The following M6PR variants were observed in gnomAD, a reference collection of about 807,000 sequenced individuals.
M6PR encodes the protein mannose-6-phosphate receptor, cation dependent.
Under a neutral mutation model 33.1 loss-of-function variants are expected in M6PR, and 19 were observed. The observed-to-expected ratio is 0.57, with a 90% CI of 0.40 to 0.84. The LOEUF (loss-of-function observed/expected upper bound fraction) is 0.84. Ranked by LOEUF, M6PR falls within the 40% of genes least tolerant of loss-of-function variation. The pLI, the probability that M6PR is intolerant of heterozygous loss-of-function variation, is 0.00. For missense variants in M6PR, 295 were observed against 336.0 expected (o/e 0.88, Z 0.95); for synonymous variants, 111 against 123.4 (o/e 0.90, Z 0.67).
chr12:8,943,615 A>G (rs1233372925), intron 4 of M6PR, 80 bp from the exon 5 acceptor site: 8 of 1,552,802 alleles, frequency 5.2e-6, no homozygotes, highest in Non-Finnish European at 7.1e-6. Flanking sequence ...CCCAAAAAAC[A>G]TCTGCTCCTT....
intron 2 of M6PR, 70 bp downstream of exon 2, chr12:8,946,159 T>C: frequency 2.7e-6 from 4 of 1,466,738 alleles, no homozygotes; most frequent in Non-Finnish European, 2.8e-6. Flanking sequence ...CATTATGAAA[T>C]AAAATCAGTA....
intron 3 of M6PR, 143 bp downstream of exon 3, chr12:8,945,275 G>T: frequency 1.3e-6 from 1 of 756,340 alleles, no homozygotes; most frequent in South Asian, 1.7e-5. Context: ...TAGGCATCCT[G>T]TGGTATATTA....
intron 2 of M6PR, 55 bp from the exon 3 acceptor site, chr12:8,945,639 G>A: frequency 7.0e-7 from 1 of 1,434,448 alleles, no homozygotes; most frequent in Non-Finnish European, 9.7e-7. Flanking sequence ...TCAGCCTCAG[G>A]AATAACAGCA....
intron 1 of M6PR, 163 bp from the exon 2 acceptor site, chr12:8,946,568 C>T: frequency 1.9e-6 from 1 of 535,804 alleles, no homozygotes; most frequent in Non-Finnish European, 3.2e-6. Context: ...ATCTCTGTAA[C>T]AAGAGCATCT....
intron 1 of M6PR, among the ~76,000 whole-genome samples, chr12:8,947,836 GT>G (rs199863898): frequency 0.02 from 2,910 of 146,598 alleles, 79 homozygotes; most frequent in African/African-American, 0.066. Flanking sequence ...AAAACTGTGG[GT>G]TTTTTTTTTT....
rs966401909 is a variant in M6PR, at chr12:8,941,736, G to A, written c.*82C>T. ...AATAGTAAGGGTGAGATGAGGGACTGGAGTTGAGACTGCTTGAGAAATCTG... is the reference window on the plus strand; with the variant it reads ...AATAGTAAGGGTGAGATGAGGGACTAGAGTTGAGACTGCTTGAGAAATCTG... On this transcript the variant is annotated 3_prime_UTR_variant, in exon 7 of 7. Transcript: ENST00000000412. 7.1e-6 allele frequency: 11 copies of A among 1,547,740 alleles called. No individual in the cohort carries two copies. In the African/African-American group the frequency reaches 1.4e-4, roughly 19 times the overall value.
Position 8,943,904 on chromosome 12 carries a change from C to CA in M6PR, c.349dup (p.Trp117LeufsTer7). On this transcript the variant is annotated frameshift_variant, in exon 4 of 7. Coordinates refer to ENST00000000412, the MANE Select transcript of M6PR (RefSeq NM_002355.4). LOFTEE classifies it high-confidence loss of function. ...ACCCCCTTTATAGATCAGCATGATC[C>CA]AATTACCTGAGGAGGGACAAGGAAA... 6.2e-7 allele frequency: 1 copy of CA among 1,609,518 alleles called. No individual in the cohort carries two copies. The highest frequency in any genetic ancestry group is 8.5e-7 in the Non-Finnish European group (1 of 1,176,054).
In M6PR at chr12:8,941,725, G is replaced by T; in HGVS notation, c.*93C>A. On this transcript the variant is annotated 3_prime_UTR_variant, in exon 7 of 7. Transcript: ENST00000000412. Reference sequence around the variant, plus strand: ...AAAGCAAGAGCAATAGTAAGGGTGAGATGAGGGACTGGAGTTGAGACTGCT... The same window carrying T: ...AAAGCAAGAGCAATAGTAAGGGTGATATGAGGGACTGGAGTTGAGACTGCT... 1 of 1,490,912 alleles carries T rather than the reference G, an allele frequency of 6.7e-7. No individual in the cohort carries two copies. Among genetic ancestry groups the T allele is most frequent in the Non-Finnish European group, 9.3e-7 (1 of 1,072,926 alleles). 92.4% of individuals were successfully genotyped at this position (1,490,912 alleles called of 1,614,324 possible). A position where few individuals can be genotyped will look rare whatever the true frequency, so the allele number is the denominator to read the frequency against.
chr12:8,942,629 T>C, intron 5 of M6PR, 87 bp from the exon 6 acceptor site: 1 of 1,409,548 alleles, frequency 7.1e-7, no homozygotes, highest in Non-Finnish European at 9.8e-7. Flanking sequence ...TTGTCAGCTG[T>C]TTCCTAAGAT....
In M6PR at chr12:8,943,925, G is replaced by C; in HGVS notation, c.344-15C>G. 1 of 1,555,424 alleles carries C rather than the reference G, an allele frequency of 6.4e-7. No homozygotes were observed. Among genetic ancestry groups the C allele is most frequent in the Non-Finnish European group, 8.9e-7 (1 of 1,127,062 alleles). On this transcript the variant is annotated splice_polypyrimidine_tract_variant and intron_variant, in intron 3 of 6. Transcript: ENST00000000412. ...GATCCAATTACCTGAGGAGGGACAA[G>C]GAAAATGGAGCTATGGGGTGGGGGA...
chr12:8,945,333 G>T, intron 3 of M6PR, 85 bp downstream of exon 3: 1 of 1,456,726 alleles, frequency 6.9e-7, no homozygotes, highest in Non-Finnish European at 9.5e-7. Context: ...GAAGACACTA[G>T]AAACGGCCAA....
Position 8,948,947 on chromosome 12 carries a change from A to C in M6PR, c.-2+541T>G, listed in dbSNP as rs374654299. Among the ~76,000 whole-genome samples the C allele has an allele frequency of 2.0e-5, 3 of 152,352 alleles. No homozygotes were observed. In the East Asian group the frequency reaches 5.8e-4, roughly 29 times the overall value. On this transcript the variant is annotated intron_variant, in intron 1 of 6. Coordinates refer to ENST00000000412, the MANE Select transcript of M6PR (RefSeq NM_002355.4). Reference sequence around the variant, plus strand: ...CTAATGCTGAAAGAACTCAAGAGAGAAGGAGCCTCAGACAAGTAGCGGCTA... The same window carrying C: ...CTAATGCTGAAAGAACTCAAGAGAGCAGGAGCCTCAGACAAGTAGCGGCTA...
chr12:8,947,443 A>C (rs968830885), intron 1 of M6PR, among the ~76,000 whole-genome samples: 5 of 152,082 alleles, frequency 3.3e-5, no homozygotes, highest in South Asian at 2.1e-4. Flanking sequence ...GAAATTGTCT[A>C]CCTGACTTCC....
intron 6 of M6PR, 139 bp downstream of exon 6, chr12:8,942,277 C>A: frequency 8.5e-7 from 1 of 1,170,844 alleles, no homozygotes. Flanking sequence ...GGGCAACTGT[C>A]TTGTTTGCTG....
In M6PR at chr12:8,946,131, AT is replaced by A. The variant is rs1305180398; in HGVS notation, c.176+97del. The A allele has an allele frequency of 1.8e-5, 22 of 1,220,244 alleles. No individual in the cohort carries two copies. In the African/African-American group the frequency reaches 3.3e-4, roughly 18 times the overall value. 75.6% of individuals were successfully genotyped at this position (1,220,244 alleles called of 1,614,324 possible). On this transcript the variant is annotated intron_variant, in intron 2 of 6. Coordinates refer to ENST00000000412, the MANE Select transcript of M6PR (RefSeq NM_002355.4). ...AAAAACTGGGCTGAGAATTTGCTCT[AT>A]GTCATAAAAGAGAGCACATTATGAA...
chr12:8,946,504 T>C, intron 1 of M6PR, 99 bp from the exon 2 acceptor site: 1 of 928,420 alleles, frequency 1.1e-6, no homozygotes, highest in Non-Finnish European at 1.7e-6. Context: ...GGTATTTTAA[T>C]TATCCAGAAA....
Position 8,943,882 on chromosome 12 carries a change from C to A in M6PR, c.372G>T (p.Gly124=). ...CACAGTGGTTGTCATATTCATCACC[C>A]CCTTTATAGATCAGCATGATCCAAT... ...GSNWIMLIYK[G]GDEYDNHCGK... Residue 124 remains glycine (G), a synonymous_variant, in exon 4 of 7, where the codon GGG becomes GGT. Coordinates refer to ENST00000000412, the MANE Select transcript of M6PR (RefSeq NM_002355.4). 1 of 1,613,722 alleles carries A rather than the reference C, an allele frequency of 6.2e-7. No individual in the cohort carries two copies. Among genetic ancestry groups the A allele is most frequent in the Non-Finnish European group, 8.5e-7 (1 of 1,179,876 alleles).
intron 1 of M6PR, among the ~76,000 whole-genome samples, chr12:8,947,635 T>C (rs1946115639): frequency 1.3e-5 from 2 of 152,180 alleles, no homozygotes; most frequent in African/African-American, 4.8e-5. Flanking sequence ...ATATATTAAT[T>C]AACTAATTAA....
At chr12:8,945,395 G>A in intron 3 of M6PR, 23 bp downstream of exon 3, 1 of 1,612,816 alleles carries the variant, frequency 6.2e-7, no homozygotes, top group Non-Finnish European at 8.5e-7. Context: ...GTCAATCGAT[G>A]GTAGGAAGGG....
Sources: allele counts gnomAD v4.1 joint callset (sites outside exome capture counted in the v4.1 genomes callset), GRCh38; gene constraint gnomAD v4.1.1; transcripts MANE v1.5; gene names NCBI Gene and HGNC (gene_info 2026-07-23, HGNC 2026-07-21).